The following SLC12A1 variants were observed in gnomAD, a reference collection of about 807,000 sequenced individuals.
SLC12A1 encodes the protein Na-K-2Cl cotransporter.
SLC12A1 carries 89 observed loss-of-function variants against 130.4 expected under a neutral mutation model. The ratio of observed to expected loss-of-function variants is 0.68; its 90% confidence interval spans 0.58 to 0.81. The LOEUF is 0.81. Among genes scored for constraint, SLC12A1 ranks in the 40% least tolerant of loss-of-function variants. The pLI, the probability that SLC12A1 is intolerant of heterozygous loss-of-function variation, is 0.00. For missense variants in SLC12A1, 1,310 were observed against 1,336.4 expected, an observed-to-expected ratio of 0.98 and a Z score of 0.31; for synonymous variants, 499 against 460.0, an observed-to-expected ratio of 1.08 and a Z score of -1.09.
At chr15:48,262,672 CT>C (rs2041788820) in intron 17 of SLC12A1, among the ~76,000 whole-genome samples, 1 of 152,198 alleles carries the variant, frequency 6.6e-6, no homozygotes, top group African/African-American at 2.4e-5. Flanking sequence ...GTCTATTCTT[CT>C]CTTTTGAACT....
intron 16 of SLC12A1, among the ~76,000 whole-genome samples, chr15:48,258,695 C>T (rs2041737180): frequency 6.6e-6 from 1 of 152,106 alleles, no homozygotes; most frequent in African/African-American, 2.4e-5. Context: ...CCCACTCTAC[C>T]AGTACGAATT....
intron 21 of SLC12A1, among the ~76,000 whole-genome samples, chr15:48,287,534 C>T (rs753888308): frequency 3.3e-5 from 5 of 152,138 alleles, no homozygotes; most frequent in African/African-American, 4.8e-5. Context: ...ATAAACCAGA[C>T]CTGAATGGAA....
In SLC12A1 at chr15:48,232,790, A is replaced by G; in HGVS notation, c.1039A>G (p.Ile347Val). ...AIANFFIGTV[I>V]PSNNEKKSRG... is the part of the protein sequence containing the mutation. ...TGCAAACTTCTTCATTGGAACTGTC[A>G]TTCCATCCAACAATGAGAAAAAGTC... Residue 347 changes from isoleucine (I) to valine (V), a missense_variant, in exon 8 of 27, where the codon ATT becomes GTT. Coordinates refer to ENST00000380993, the MANE Select transcript of SLC12A1 (RefSeq NM_000338.3). 1 of 1,613,284 alleles carries G rather than the reference A, an allele frequency of 6.2e-7. No homozygotes were observed. The highest frequency in any genetic ancestry group is 8.5e-7 in the Non-Finnish European group (1 of 1,179,264).
chr15:48,302,158 C>G (rs2042239557), intron 26 of SLC12A1, among the ~76,000 whole-genome samples: 1 of 152,102 alleles, frequency 6.6e-6, no homozygotes, highest in East Asian at 1.9e-4. Flanking sequence ...TAGGTATTAG[C>G]TGATCAAATT....
At position 48,244,027 on chromosome 15, in the gene SLC12A1, T is replaced by C. The variant is rs77514310; in HGVS notation, c.1301-726T>C. Among the ~76,000 whole-genome samples, 854 of 152,340 alleles carry C rather than the reference T, an allele frequency of 5.6e-3. 19 individuals carry two copies. Among genetic ancestry groups the C allele is most frequent in the East Asian group, 0.055 (283 of 5,188 alleles). ...ATATCAAGAGTCTTCTAAATGACCA[T>C]AATTCTATTTTTAAGAATCTATCCT... is the stretch of plus-strand genomic sequence containing the variant. On this transcript the variant is annotated intron_variant, in intron 10 of 26. Transcript: ENST00000380993.
At chr15:48,263,736 A>T (rs568730784) in intron 17 of SLC12A1, among the ~76,000 whole-genome samples, 1 of 152,058 alleles carries the variant, frequency 6.6e-6, no homozygotes, top group African/African-American at 2.4e-5. Context: ...TCTGTCACTT[A>T]AGCTGGAGTA....
At chr15:48,245,656 A>G (rs973043291) in intron 11 of SLC12A1, among the ~76,000 whole-genome samples, 4 of 152,122 alleles carry the variant, frequency 2.6e-5, no homozygotes, top group African/African-American at 9.7e-5. Context: ...CATTTTCTTT[A>G]TCCAGTCCAC....
At chr15:48,213,758 C>T (rs1311295421) in intron 2 of SLC12A1, among the ~76,000 whole-genome samples, 3 of 152,002 alleles carry the variant, frequency 2.0e-5, no homozygotes. Context: ...CTCCTGACCT[C>T]GTGATCCGCC....
chr15:48,241,133 C>T (rs915933302), intron 9 of SLC12A1, among the ~76,000 whole-genome samples: 3 of 152,060 alleles, frequency 2.0e-5, no homozygotes, highest in Admixed American at 6.5e-5. Flanking sequence ...AGATATTATC[C>T]ACATGCCAGA....
At chr15:48,226,613 G>C in intron 5 of SLC12A1, 42 bp downstream of exon 5, 1 of 1,224,250 alleles carries the variant, frequency 8.2e-7, no homozygotes. Context: ...CACTTGCTAC[G>C]GGTAGGCGAA....
At chr15:48,278,597 C>T (rs992699085) in intron 20 of SLC12A1, among the ~76,000 whole-genome samples, 2 of 152,188 alleles carry the variant, frequency 1.3e-5, no homozygotes, top group Non-Finnish European at 2.9e-5. Flanking sequence ...TCTATGGTAA[C>T]ATAGACCTGA....
At chr15:48,293,090 G>A (rs2042138234) in intron 24 of SLC12A1, among the ~76,000 whole-genome samples, 3 of 151,902 alleles carry the variant, frequency 2.0e-5, no homozygotes, top group African/African-American at 7.3e-5. Context: ...TAATTTTTTG[G>A]TAGAGACAGG....
chr15:48,280,372 CTGTT>C (rs1211266121), intron 20 of SLC12A1, among the ~76,000 whole-genome samples: 1 of 152,068 alleles, frequency 6.6e-6, no homozygotes, highest in Non-Finnish European at 1.5e-5. Flanking sequence ...ACTGTGAAAA[CTGTT>C]TGGGATGTGG....
chr15:48,298,895 T>C (rs1198580230), intron 24 of SLC12A1, among the ~76,000 whole-genome samples: 1 of 152,258 alleles, frequency 6.6e-6, no homozygotes, highest in East Asian at 1.9e-4. Context: ...TGTGTTAATA[T>C]TGAAGATCTA....
In SLC12A1 at chr15:48,220,619, A is replaced by T. The variant is rs148912103; in HGVS notation, c.421-15A>T. 1 of 1,609,674 alleles carries T rather than the reference A, an allele frequency of 6.2e-7. No individual in the cohort carries two copies. ...ATTGACCAACTACTGTGTTTTTGCT[A>T]TCTATAAAATGCAGAATGTGGCAGT... On this transcript the variant is annotated splice_polypyrimidine_tract_variant and intron_variant, in intron 2 of 26. Transcript: ENST00000380993.
At chr15:48,220,837 C>A (rs930697104) in intron 3 of SLC12A1, 72 bp downstream of exon 3, 2 of 1,610,232 alleles carry the variant, frequency 1.2e-6, no homozygotes, top group Non-Finnish European at 1.7e-6. Context: ...GTGAACAAGG[C>A]CTGGGCACAG....
chr15:48,264,815 A>G (rs2041814902), intron 17 of SLC12A1, among the ~76,000 whole-genome samples: 1 of 152,206 alleles, frequency 6.6e-6, no homozygotes, highest in Admixed American at 6.5e-5. Context: ...ACCCCTTTAC[A>G]AACTCTTTTT....
intron 10 of SLC12A1, among the ~76,000 whole-genome samples, chr15:48,243,458 C>T (rs2041541693): frequency 6.6e-6 from 1 of 152,090 alleles, no homozygotes; most frequent in Non-Finnish European, 1.5e-5. Flanking sequence ...GAGTTCAAGA[C>T]CAGCCTGCCC....
intron 4 of SLC12A1, chr15:48,225,999 G>T: frequency 1.9e-6 from 1 of 523,818 alleles, no homozygotes; most frequent in Non-Finnish European, 2.5e-6. Context: ...GGCAACACAG[G>T]CTCTAACAGT....
Sources: gnomAD v4.1 joint callset for allele counts (sites outside exome capture counted in the v4.1 genomes callset) on GRCh38, gnomAD v4.1.1 for gene constraint, MANE v1.5 for transcripts, NCBI Gene and HGNC (gene_info 2026-07-23, HGNC 2026-07-21) for gene names.